The following NAALADL2 variants were observed in gnomAD, a reference collection of about 807,000 sequenced individuals.
The protein encoded by NAALADL2 is N-acetylated alpha-linked acidic dipeptidase like 2.
A neutral mutation model predicts 87.2 loss-of-function variants in NAALADL2; 76 were observed. The ratio of observed to expected loss-of-function variants is 0.87; its 90% CI spans 0.72 to 1.05. NAALADL2 has a LOEUF of 1.05. NAALADL2 is among the 50% of genes least tolerant of loss of function. The pLI, the probability that NAALADL2 is intolerant of heterozygous loss-of-function variation, is 0.00. For synonymous variants in NAALADL2, 354 were observed against 331.0 expected (o/e 1.07, Z -0.75); for missense variants, 1,089 against 945.8 (o/e 1.15, Z -1.99).
At chr3:175,227,743 T>A (rs992669458) in intron 2 of NAALADL2, among the ~76,000 whole-genome samples, 97 of 152,046 alleles carry the variant, frequency 6.4e-4, no homozygotes, top group Middle Eastern at 3.4e-3. Context: ...TAGAACCCTT[T>A]GACTAAACCA....
chr3:174,824,049 G>A (rs777042039), intron 3 of NAALADL2, among the ~76,000 whole-genome samples: 1 of 152,096 alleles, frequency 6.6e-6, no homozygotes, highest in African/African-American at 2.4e-5. Context: ...GGGAATTAAG[G>A]TTAAAAAGCA....
chr3:175,502,386 G>A (rs1729678181), intron 9 of NAALADL2, among the ~76,000 whole-genome samples: 1 of 152,138 alleles, frequency 6.6e-6, no homozygotes, highest in African/African-American at 2.4e-5. Context: ...CAAAAAGCCT[G>A]ACACTGCAAC....
intron 1 of NAALADL2, among the ~76,000 whole-genome samples, chr3:174,544,899 A>G (rs1326933642): frequency 3.3e-5 from 5 of 151,872 alleles, no homozygotes; most frequent in Non-Finnish European, 7.4e-5. Flanking sequence ...TATTTGAGAC[A>G]GAGTCTAGCT....
chr3:175,660,478 C>A (rs1427768373), intron 11 of NAALADL2, among the ~76,000 whole-genome samples: 1 of 152,074 alleles, frequency 6.6e-6, no homozygotes, highest in Non-Finnish European at 1.5e-5. Flanking sequence ...GGATATCCAT[C>A]ACCTCAAATA....
At chr3:175,067,624 T>C (rs1000290683) in intron 1 of NAALADL2, among the ~76,000 whole-genome samples, 1 of 152,092 alleles carries the variant, frequency 6.6e-6, no homozygotes, top group African/African-American at 2.4e-5. Flanking sequence ...GAAAAAGGAA[T>C]GCTTATACAC....
At chr3:175,030,390 G>C (rs1419111537) in intron 1 of NAALADL2, among the ~76,000 whole-genome samples, 1 of 151,934 alleles carries the variant, frequency 6.6e-6, no homozygotes, top group Non-Finnish European at 1.5e-5. Flanking sequence ...CTTGAATTTT[G>C]ATTCCTGTAA....
intron 2 of NAALADL2, among the ~76,000 whole-genome samples, chr3:175,173,318 AAATAAAT>A (rs1560118666): frequency 2.0e-4 from 26 of 132,262 alleles, no homozygotes; most frequent in South Asian, 4.6e-4. Context: ...TAAAATAAAT[AAATAAAT>A]AAATAAATAA....
At chr3:174,678,514 T>C (rs975157231) in intron 2 of NAALADL2, among the ~76,000 whole-genome samples, 5 of 152,214 alleles carry the variant, frequency 3.3e-5, no homozygotes, top group Non-Finnish European at 7.4e-5. Context: ...GATTGTTTCA[T>C]GTTATTACCG....
At chr3:175,211,544 T>C (rs754762747) in intron 2 of NAALADL2, among the ~76,000 whole-genome samples, 2 of 151,954 alleles carry the variant, frequency 1.3e-5, no homozygotes, top group Non-Finnish European at 2.9e-5. Context: ...ATTTTACTTA[T>C]AACAAAATGA....
At chr3:175,141,772 C>G (rs1730028130) in intron 2 of NAALADL2, among the ~76,000 whole-genome samples, 1 of 152,026 alleles carries the variant, frequency 6.6e-6, no homozygotes, top group Non-Finnish European at 1.5e-5. Context: ...TAATTTTGAG[C>G]TAAATGTTTA....
intron 1 of NAALADL2, among the ~76,000 whole-genome samples, chr3:175,002,121 T>TA (rs1176285520): frequency 6.6e-6 from 1 of 152,184 alleles, no homozygotes; most frequent in South Asian, 2.1e-4. Flanking sequence ...GCCCATTACC[T>TA]AAAAAAAATT....
chr3:175,000,859 A>T (rs1419141754), intron 1 of NAALADL2, among the ~76,000 whole-genome samples: 1 of 152,196 alleles, frequency 6.6e-6, no homozygotes, highest in Non-Finnish European at 1.5e-5. Flanking sequence ...CTTTTTACAT[A>T]TATAGAAACT....
chr3:174,578,126 C>T (rs1715748182), intron 2 of NAALADL2, among the ~76,000 whole-genome samples: 1 of 151,990 alleles, frequency 6.6e-6, no homozygotes, highest in South Asian at 2.1e-4. Flanking sequence ...CGTATTATCA[C>T]TGACCTGTGG....
chr3:174,773,182 G>A (rs531078743), intron 3 of NAALADL2, among the ~76,000 whole-genome samples: 31 of 152,290 alleles, frequency 2.0e-4, no homozygotes, highest in Non-Finnish European at 3.5e-4. Context: ...TTCAGTAATA[G>A]AGGTCCTTGG....
intron 1 of NAALADL2, among the ~76,000 whole-genome samples, chr3:174,917,597 C>G (rs1734585049): frequency 6.6e-6 from 1 of 152,096 alleles, no homozygotes; most frequent in Non-Finnish European, 1.5e-5. Context: ...ACACTATTAT[C>G]TTGCCCATTT....
At chr3:175,730,163 C>T (rs997814410) in intron 11 of NAALADL2, among the ~76,000 whole-genome samples, 2 of 151,576 alleles carry the variant, frequency 1.3e-5, no homozygotes, top group African/African-American at 2.4e-5. Context: ...AGTCACCATA[C>T]TGGGTAATGA....
intron 9 of NAALADL2, among the ~76,000 whole-genome samples, chr3:175,509,051 C>A (rs915885072): frequency 6.6e-6 from 1 of 150,546 alleles, no homozygotes; most frequent in Non-Finnish European, 1.5e-5. Context: ...AGGAGACGGA[C>A]GTTGTAGTGA....
intron 2 of NAALADL2, among the ~76,000 whole-genome samples, chr3:174,601,995 A>C (rs920472166): frequency 1.3e-5 from 2 of 152,026 alleles, no homozygotes; most frequent in African/African-American, 4.8e-5. Context: ...ATTCTGTTCC[A>C]CTGGTCTACG....
At chr3:174,467,046 T>C (rs1577970482) in intron 1 of NAALADL2, among the ~76,000 whole-genome samples, 1 of 152,144 alleles carries the variant, frequency 6.6e-6, no homozygotes, top group East Asian at 1.9e-4. Context: ...TAGTCTATCT[T>C]GAAATGAGAG....
Sources: gnomAD v4.1 joint callset for allele counts (sites outside exome capture counted in the v4.1 genomes callset) on GRCh38, gnomAD v4.1.1 for gene constraint, MANE v1.5 for transcripts, NCBI Gene and HGNC (gene_info 2026-07-23, HGNC 2026-07-21) for gene names.